The following COL28A1 variants were observed in gnomAD, a reference collection of about 807,000 sequenced individuals.
COL28A1 encodes collagen alpha-1(XXVIII) chain.
COL28A1 carries 161 observed loss-of-function variants against 150.2 expected under a neutral mutation model. The ratio of observed to expected loss-of-function variants is 1.07; its 90% confidence interval spans 0.94 to 1.22. The LOEUF is 1.22. Among genes scored for constraint, COL28A1 ranks in the 50% most tolerant of loss-of-function variants. COL28A1 has a pLI of 0.00. For synonymous variants in COL28A1, 552 were observed against 469.7 expected, an observed-to-expected ratio of 1.18 and a Z score of -2.26; for missense variants, 1,617 against 1,388.3, an observed-to-expected ratio of 1.16 and a Z score of -2.62.
chr7:7,444,393 A>G (rs145540964), intron 19 of COL28A1, 25 bp downstream of exon 19: 18 of 1,613,666 alleles, frequency 1.1e-5, no homozygotes, highest in Non-Finnish European at 1.4e-5. Context: ...TTCCTACTCC[A>G]GTAATACGAA....
intron 3 of COL28A1, among the ~76,000 whole-genome samples, chr7:7,530,262 A>G (rs570194013): frequency 6.6e-6 from 1 of 152,346 alleles, no homozygotes; most frequent in African/African-American, 2.4e-5. Context: ...TAAAGTGTTC[A>G]GGAAAATGCC....
At chr7:7,441,816 T>C (rs758864238) in intron 20 of COL28A1, among the ~76,000 whole-genome samples, 1 of 152,270 alleles carries the variant, frequency 6.6e-6, no homozygotes, top group African/African-American at 2.4e-5. Context: ...GGCACTTTAT[T>C]AAGAAGAGAT....
chr7:7,488,822 T>C (rs1394189617), intron 13 of COL28A1, among the ~76,000 whole-genome samples: 1 of 152,228 alleles, frequency 6.6e-6, no homozygotes, highest in African/African-American at 2.4e-5. Context: ...TAGAAAATTT[T>C]AACACATGAG....
intron 9 of COL28A1, among the ~76,000 whole-genome samples, chr7:7,510,464 T>C (rs1781067171): frequency 2.0e-5 from 3 of 152,212 alleles, no homozygotes; most frequent in Non-Finnish European, 2.9e-5. Flanking sequence ...TTTGTATTTT[T>C]AGTAGAGATG....
chr7:7,423,983 T>C lies in COL28A1; in HGVS notation c.1999-4030A>G, dbSNP rs192622511. ...TGTGTTCCATGTCATCTGTGGTCCT[T>C]CAGTGTTCACCTAAAACAAACTGTC... On this transcript the variant is annotated intron_variant, in intron 25 of 34. Transcript: ENST00000399429. Among the ~76,000 whole-genome samples, 206 of 152,312 alleles carry C rather than the reference T, an allele frequency of 1.4e-3. 3 individuals carry two copies. The highest frequency in any genetic ancestry group is 0.011 in the Admixed American group (163 of 15,292).
intron 33 of COL28A1, among the ~76,000 whole-genome samples, chr7:7,361,205 G>C (rs964249530): frequency 5.3e-5 from 8 of 152,034 alleles, no homozygotes; most frequent in African/African-American, 1.9e-4. Flanking sequence ...AAAGAACAAA[G>C]GATTTTTGTT....
intron 25 of COL28A1, chr7:7,431,629 A>G (rs756187359): frequency 6.4e-6 from 3 of 471,030 alleles, no homozygotes; most frequent in South Asian, 1.5e-5. Flanking sequence ...CTTCAAGGCC[A>G]TGGGAAGTGT....
At chr7:7,349,963 G>C in the COL28A1 span, among the ~76,000 whole-genome samples, 1 of 152,096 alleles carries the variant, frequency 6.6e-6, no homozygotes, top group Non-Finnish European at 1.5e-5. Context: ...ACAAATTTAA[G>C]GACATGGAGA....
At chr7:7,346,881 C>T in the COL28A1 span, among the ~76,000 whole-genome samples, 7 of 151,966 alleles carry the variant, frequency 4.6e-5, no homozygotes, top group African/African-American at 1.7e-4. Context: ...TGCCAACATT[C>T]CACTTAAAAA....
At chr7:7,541,275 TC>T in the COL28A1 span, among the ~76,000 whole-genome samples, 1 of 152,162 alleles carries the variant, frequency 6.6e-6, no homozygotes, top group Non-Finnish European at 1.5e-5. Flanking sequence ...GGTAAATTAT[TC>T]ATGGACAAAA....
chr7:7,381,589 G>A lies in COL28A1; in HGVS notation c.2160C>T (p.Phe720=), dbSNP rs780430419. 31 of 1,613,776 alleles carry A rather than the reference G, an allele frequency of 1.9e-5. No homozygotes were observed. The Admixed American group carries it at 4.3e-4, about 23-fold the overall frequency. The stretch of plus-strand genomic sequence containing the variant: ...GGCCCATTGTGCCCTTTGGGCCTGG[G>A]AAGCCTTGTGGTCCTTGTTCCCCCT... ...GIKGEQGPQG[F]PGPKGTMGHG... is the part of the protein sequence containing the mutation. Residue 720 remains phenylalanine, a synonymous_variant, in exon 28 of 35, where the codon TTC becomes TTT. Coordinates refer to ENST00000399429, the MANE Select transcript of COL28A1 (RefSeq NM_001037763.3).
At chr7:7,520,390 CA>C (rs1273067991) in intron 5 of COL28A1, among the ~76,000 whole-genome samples, 1 of 152,208 alleles carries the variant, frequency 6.6e-6, no homozygotes, top group Non-Finnish European at 1.5e-5. Context: ...AGCAGTTTTG[CA>C]AACAAAATCA....
At chr7:7,528,896 CTTAT>C (rs1175103507) in intron 3 of COL28A1, among the ~76,000 whole-genome samples, 4 of 152,014 alleles carry the variant, frequency 2.6e-5, no homozygotes, top group Non-Finnish European at 2.9e-5. Context: ...ACCTAATTAA[CTTAT>C]TTAAAAAGTC....
chr7:7,351,120 T>A, the COL28A1 span, among the ~76,000 whole-genome samples: 7 of 152,214 alleles, frequency 4.6e-5, no homozygotes, highest in African/African-American at 1.7e-4. Flanking sequence ...GTGGAATCCA[T>A]AAGAGTATAA....
chr7:7,416,703 C>G (rs923861159), intron 27 of COL28A1, among the ~76,000 whole-genome samples: 1 of 152,170 alleles, frequency 6.6e-6, no homozygotes, highest in African/African-American at 2.4e-5. Context: ...AGATGAACAA[C>G]AGTTATTTAG....
intron 30 of COL28A1, among the ~76,000 whole-genome samples, chr7:7,375,756 G>A (rs1057249293): frequency 2.0e-5 from 3 of 152,120 alleles, no homozygotes; most frequent in Non-Finnish European, 4.4e-5. Context: ...GTGTGACCTC[G>A]GGCATTTGGT....
At chr7:7,391,063 G>A (rs1270341414) in intron 27 of COL28A1, among the ~76,000 whole-genome samples, 2 of 152,076 alleles carry the variant, frequency 1.3e-5, no homozygotes, top group East Asian at 1.9e-4. Flanking sequence ...CTTTAGTTGC[G>A]ATGTTAGGGT....
chr7:7,438,054 G>A (rs1345551475), intron 21 of COL28A1, among the ~76,000 whole-genome samples: 1 of 151,154 alleles, frequency 6.6e-6, no homozygotes, highest in African/African-American at 2.4e-5. Context: ...GGCCAACATG[G>A]CAAAACCCCA....
chr7:7,493,037 T>C (rs1169531722), intron 11 of COL28A1, among the ~76,000 whole-genome samples: 5 of 146,326 alleles, frequency 3.4e-5, no homozygotes, highest in African/African-American at 1.2e-4. Context: ...TGTTATATAA[T>C]ATATATAACA....
Sources: gnomAD v4.1 joint callset for allele counts (sites outside exome capture counted in the v4.1 genomes callset) on GRCh38, gnomAD v4.1.1 for gene constraint, MANE v1.5 for transcripts, NCBI Gene and HGNC (gene_info 2026-07-23, HGNC 2026-07-21) for gene names.